The following HIRA variants were observed in gnomAD, a reference collection of about 807,000 sequenced individuals.
HIRA encodes histone cell cycle regulator.
HIRA carries 13 observed loss-of-function variants against 126.6 expected under a neutral mutation model. The observed-to-expected ratio is 0.10, with a 90% CI of 0.07 to 0.16. The LOEUF is 0.16. HIRA is among the 10% of genes least tolerant of loss of function. HIRA has a pLI of 1.00. For missense variants in HIRA, 834 were observed against 1,314.4 expected (o/e 0.63, Z 5.65); for synonymous variants, 511 against 520.0 (o/e 0.98, Z 0.24).
At chr22:19,337,262 A>AT (rs1342056335) in intron 24 of HIRA, among the ~76,000 whole-genome samples, 2 of 152,028 alleles carry the variant, frequency 1.3e-5, no homozygotes, top group East Asian at 3.9e-4. Context: ...AATATATAGG[A>AT]TATGGATGAA....
At chr22:19,422,491 C>T (rs142355786) in intron 1 of HIRA, among the ~76,000 whole-genome samples, 1 of 152,254 alleles carries the variant, frequency 6.6e-6, no homozygotes, top group African/African-American at 2.4e-5. Context: ...CAGTAGTCCT[C>T]TGCTCCCCTT....
At chr22:19,421,192 G>C (rs748734042) in intron 1 of HIRA, among the ~76,000 whole-genome samples, 1 of 152,006 alleles carries the variant, frequency 6.6e-6, no homozygotes, top group South Asian at 2.1e-4. Flanking sequence ...CCAGCTAATC[G>C]GAAGGCTGAG....
chr22:19,397,970 C>A (rs1446182823), intron 6 of HIRA, 22 bp downstream of exon 6: 1 of 1,588,402 alleles, frequency 6.3e-7, no homozygotes, highest in East Asian at 2.2e-5. Context: ...TTGCTGTTAA[C>A]CAGTCAGAGG....
chr22:19,394,589 C>T lies in HIRA; in HGVS notation c.655-80G>A. 3 of 1,405,294 alleles carry T rather than the reference C, an allele frequency of 2.1e-6. No homozygotes were observed. In the Admixed American group the frequency reaches 5.6e-5, roughly 26 times the overall value. 87.1% of individuals were successfully genotyped at this position (1,405,294 alleles called of 1,614,324 possible). ...CTCTGGCCTCGAGGATAAAGTTAAA[C>T]TTCAATTTATAAATGTGTGATGGTG... On this transcript the variant is annotated intron_variant, in intron 7 of 24. Transcript: ENST00000263208.
intron 14 of HIRA, 83 bp downstream of exon 14, chr22:19,377,786 C>T: frequency 7.9e-7 from 1 of 1,263,416 alleles, no homozygotes. Context: ...AAAGTGCAAA[C>T]AGAATAAAAT....
intron 24 of HIRA, among the ~76,000 whole-genome samples, chr22:19,333,177 G>T (rs2088514072): frequency 6.6e-6 from 1 of 152,090 alleles, no homozygotes; most frequent in Admixed American, 6.6e-5. Flanking sequence ...CAAAGTGCTG[G>T]GATTAAAGGC....
At chr22:19,393,184 T>C (rs1028931411) in intron 8 of HIRA, among the ~76,000 whole-genome samples, 2 of 152,146 alleles carry the variant, frequency 1.3e-5, no homozygotes, top group Admixed American at 6.5e-5. Flanking sequence ...GAGGACTGCA[T>C]GGGAGAATCA....
At chr22:19,388,698 T>C (rs1407455952) in intron 9 of HIRA, 144 bp from the exon 10 acceptor site, 1 of 679,550 alleles carries the variant, frequency 1.5e-6, no homozygotes, top group Admixed American at 2.2e-5. Flanking sequence ...AAACTGCAGC[T>C]GCAGAGATCC....
chr22:19,427,653 C>T (rs1243788744), intron 1 of HIRA, among the ~76,000 whole-genome samples: 1 of 152,188 alleles, frequency 6.6e-6, no homozygotes, highest in Non-Finnish European at 1.5e-5. Flanking sequence ...AAAGTGTGAA[C>T]CAAAGGCCAA....
At chr22:19,357,814 G>A (rs2088827418) in intron 18 of HIRA, among the ~76,000 whole-genome samples, 1 of 152,194 alleles carries the variant, frequency 6.6e-6, no homozygotes, top group Non-Finnish European at 1.5e-5. Context: ...ACTCCAGCAG[G>A]CTCAAGGAGG....
intron 3 of HIRA, 102 bp from the exon 4 acceptor site, chr22:19,407,376 T>C: frequency 1.1e-6 from 1 of 904,120 alleles, no homozygotes. Context: ...ATCTAATCTA[T>C]CTAATCTATT....
rs1195064160 is a variant in HIRA, at chr22:19,392,158, A to G, written c.879T>C (p.Pro293=). 3.7e-6 allele frequency: 6 copies of G among 1,608,606 alleles called. No individual in the cohort carries two copies. The highest frequency in any genetic ancestry group is 2.7e-5 in the African/African-American group (2 of 74,912). The stretch of plus-strand genomic sequence containing the variant: ...CAGCACAGCAGCAGTACGGGCAGCT[A>G]GGCTTCGCAGAACTCCCATTCTTCT... The part of the protein sequence containing the change: ...KKQKNGSSAK[P]SCPYCCCAVG... The change falls in exon 9 of 25, where the codon CCT becomes CCC. Residue 293 remains proline (P), a synonymous_variant. Coordinates refer to ENST00000263208, the MANE Select transcript of HIRA (RefSeq NM_003325.4).
intron 19 of HIRA, among the ~76,000 whole-genome samples, 194 bp downstream of exon 19, chr22:19,356,696 T>C (rs1466991617): frequency 6.6e-6 from 1 of 152,168 alleles, no homozygotes; most frequent in Non-Finnish European, 1.5e-5. Flanking sequence ...TCCATCCCCC[T>C]TGCACACTAC....
chr22:19,389,089 G>A (rs985246202), intron 9 of HIRA, among the ~76,000 whole-genome samples: 6 of 152,122 alleles, frequency 3.9e-5, no homozygotes, highest in South Asian at 2.1e-4. Context: ...CCTAGTTACC[G>A]ACTATTAATA....
chr22:19,383,491 C>G, intron 13 of HIRA, 129 bp downstream of exon 13: 1 of 749,378 alleles, frequency 1.3e-6, no homozygotes, highest in Admixed American at 2.3e-5. Context: ...GCTTCACTTC[C>G]TTGCTTCCAT....
chr22:19,414,650 A>G (rs2089380908), intron 1 of HIRA, among the ~76,000 whole-genome samples: 3 of 152,246 alleles, frequency 2.0e-5, no homozygotes, highest in Admixed American at 2.0e-4. Context: ...GTTTTAACCA[A>G]TGTTGACAAA....
intron 11 of HIRA, among the ~76,000 whole-genome samples, 158 bp from the exon 12 acceptor site, chr22:19,385,894 C>T (rs1466832816): frequency 6.6e-6 from 1 of 152,200 alleles, no homozygotes; most frequent in Non-Finnish European, 1.5e-5. Context: ...CTGCCTGTCC[C>T]TCATTCGACA....
intron 24 of HIRA, among the ~76,000 whole-genome samples, chr22:19,341,648 ATACT>A (rs1340907841): frequency 6.6e-6 from 1 of 152,160 alleles, no homozygotes; most frequent in Non-Finnish European, 1.5e-5. Context: ...ATAAAGCCAA[ATACT>A]TACAGCCAAC....
chr22:19,333,262 A>G (rs1489871349), intron 24 of HIRA, among the ~76,000 whole-genome samples: 9 of 152,226 alleles, frequency 5.9e-5, no homozygotes, highest in African/African-American at 2.2e-4. Flanking sequence ...TTAATCAAGA[A>G]AGAGAGAGAA....
Sources: gnomAD v4.1 joint callset for allele counts (sites outside exome capture counted in the v4.1 genomes callset) on GRCh38, gnomAD v4.1.1 for gene constraint, MANE v1.5 for transcripts, NCBI Gene and HGNC (gene_info 2026-07-23, HGNC 2026-07-21) for gene names.